Variants in VWA7 observed in about 807,000 individuals in gnomAD.
VWA7 encodes von Willebrand factor A domain-containing protein 7.
VWA7 carries 66 observed loss-of-function variants against 83.1 expected under a neutral mutation model. The ratio of observed to expected loss-of-function variants is 0.79; its 90% CI spans 0.65 to 0.98. The LOEUF is 0.98. Ranked by LOEUF, VWA7 falls within the 50% of genes least tolerant of loss-of-function variation. The pLI, the probability that VWA7 is intolerant of heterozygous loss-of-function variation, is 0.00. For missense variants in VWA7, 1,080 were observed against 1,160.2 expected (o/e 0.93, Z 1.00); for synonymous variants, 424 against 488.5 (o/e 0.87, Z 1.74).
chr6:31,768,971 C>G (rs1053804527), intron 10 of VWA7, 47 bp downstream of exon 10: 4 of 1,554,292 alleles, frequency 2.6e-6, no homozygotes, highest in East Asian at 2.3e-5. Flanking sequence ...AGAGGTGCAG[C>G]CTGACCACCC....
chr6:31,767,551 GCTCTCCTT>G, intron 11 of VWA7, 37 bp from the exon 12 acceptor site: 2 of 1,600,176 alleles, frequency 1.2e-6, no homozygotes, highest in Non-Finnish European at 1.7e-6. Context: ...TGAAGCACTT[GCTCTCCTT>G]GAGTACATCC....
At chr6:31,772,286 T>C (rs558827701) in intron 7 of VWA7, among the ~76,000 whole-genome samples, 1 of 152,008 alleles carries the variant, frequency 6.6e-6, no homozygotes, top group South Asian at 2.1e-4. Flanking sequence ...GCTGGGACTA[T>C]AGGCATGTGC....
At chr6:31,771,945 C>T (rs1812214665) in intron 7 of VWA7, 2 of 136,452 alleles carry the variant, frequency 1.5e-5, no homozygotes, top group Non-Finnish European at 3.0e-5. Flanking sequence ...GAGCCGAGAT[C>T]GCGCCATGGC....
At position 31,766,839 on chromosome 6, in the gene VWA7, A is replaced by C; in HGVS notation, c.1883-75T>G. 1 of 1,495,944 alleles carries C rather than the reference A, an allele frequency of 6.7e-7. No homozygotes were observed. The highest frequency in any genetic ancestry group is 9.0e-7 in the Non-Finnish European group (1 of 1,110,072). The allele number at this position is 1,495,944 out of a possible 1,614,324, so 92.7% of individuals were successfully genotyped here. A position where few individuals can be genotyped will look rare whatever the true frequency, so the allele number is the denominator to read the frequency against. On this transcript the variant is annotated intron_variant, in intron 13 of 16. Coordinates refer to ENST00000375688, the MANE Select transcript of VWA7 (RefSeq NM_025258.3). This position sits in a 1 kb window ranked among gnomAD's most constrained non-coding sequence, Gnocchi z 4.9. ...GGAGAAAAGAATTAATGGCCTTCAAAATAGGGGTTCCCTCTGGGGAGTATG... is the reference window on the plus strand; with the variant it reads ...GGAGAAAAGAATTAATGGCCTTCAACATAGGGGTTCCCTCTGGGGAGTATG...
chr6:31,766,385 C>CT lies in VWA7; in HGVS notation c.2185-2dup, dbSNP rs1207208641. 1.3e-6 allele frequency: 2 copies of CT among 1,595,746 alleles called. No homozygotes were observed. Among genetic ancestry groups the CT allele is most frequent in the Non-Finnish European group, 1.7e-6 (2 of 1,171,944 alleles). ...CCAAGAAACCCGAGGGGCCACTAAG[C>CT]TGCAGAGAAGGGTTCTTCAGGGAAG... On this transcript the variant is annotated splice_acceptor_variant, in intron 14 of 16. Coordinates refer to ENST00000375688, the MANE Select transcript of VWA7 (RefSeq NM_025258.3). LOFTEE classifies it high-confidence loss of function. This position sits in a 1 kb window ranked among gnomAD's most constrained non-coding sequence, Gnocchi z 4.9.
At position 31,769,709 on chromosome 6, in the gene VWA7, T is replaced by C; in HGVS notation, c.1283A>G (p.Gln428Arg). The C allele has an allele frequency of 6.2e-7, 1 of 1,612,992 alleles. No homozygotes were observed. Among genetic ancestry groups the C allele is most frequent in the African/African-American group, 1.3e-5 (1 of 75,046 alleles). Residue 428 changes from glutamine to arginine, a missense_variant, in exon 9 of 17, where the codon CAG becomes CGG. Physicochemically the swap from Gln to Arg is conservative, Grantham distance 43 (BLOSUM62 1). Transcript: ENST00000375688. The surrounding 1 kb of genome is among the most constrained non-coding windows in gnomAD (Gnocchi z 4.5). ...ASPKDAFLTN[Q>R]VESLTQERRC... ...CCGCTCCTGAGTCAGGGATTCCACC[T>C]GGTTGGTGAGAAAGGCATCCTTGGG...
Position 31,766,627 on chromosome 6 carries a change from G to A in VWA7, c.2020C>T (p.Pro674Ser), listed in dbSNP as rs1252828482. 2.5e-6 allele frequency: 4 copies of A among 1,612,938 alleles called. No individual in the cohort carries two copies. In the Admixed American group the frequency reaches 6.7e-5, roughly 27 times the overall value. The change falls in exon 14 of 17, where the codon CCC becomes TCC. Residue 674 changes from proline to serine, a missense_variant. Pro to Ser is a moderately conservative substitution (Grantham distance 74, BLOSUM62 -1). Transcript: ENST00000375688. This position sits in a 1 kb window ranked among gnomAD's most constrained non-coding sequence, Gnocchi z 4.9. ...GAELGQVPLEPVGPPERGLLA... is the reference protein window; with the variant it reads ...GAELGQVPLESVGPPERGLLA... ...AGACCTCGCTCCGGAGGTCCCACGG[G>A]CTCCAAGGGCACCTGGCCTAGTTCG...
rs1419514791 is a variant in VWA7, at chr6:31,765,896, G to A, written c.2486C>T (p.Ala829Val). ...THAFLRLLVS[A>V]PAPQDRHTTP... The stretch of plus-strand genomic sequence containing the variant: ...GTGGTTCCTCACCTGCGGGGCTGGG[G>A]CCGATACCAGGAGCCGGAGGAAAGC... The change falls in exon 16 of 17, where the codon GCC (alanine) becomes GTC (valine). Residue 829 changes from alanine to valine, a missense_variant. Coordinates refer to ENST00000375688, the MANE Select transcript of VWA7 (RefSeq NM_025258.3). 1.2e-6 allele frequency: 2 copies of A among 1,613,114 alleles called. No homozygotes were observed. The highest frequency in any genetic ancestry group is 1.1e-5 in the South Asian group (1 of 91,090).
Position 31,775,820 on chromosome 6 carries a change from C to T in VWA7, c.513+144G>A. On this transcript the variant is annotated intron_variant, in intron 3 of 16. Transcript: ENST00000375688. This position sits in a 1 kb window ranked among gnomAD's most constrained non-coding sequence, Gnocchi z 5.9. Reference sequence around the variant, plus strand: ...CCAGCTTGGAGGTGGGGAACTGGGACACAGCCTCGGGGCACCGCGTGCCAG... The same window carrying T: ...CCAGCTTGGAGGTGGGGAACTGGGATACAGCCTCGGGGCACCGCGTGCCAG... 7.3e-7 allele frequency: 1 copy of T among 1,368,906 alleles called. No homozygotes were observed. Among genetic ancestry groups the T allele is most frequent in the South Asian group, 1.4e-5 (1 of 71,338 alleles). The allele number at this position is 1,368,906 out of a possible 1,614,324, so 84.8% of individuals were successfully genotyped here.
In VWA7 at chr6:31,766,290, C is replaced by G. The variant is rs1404784498; in HGVS notation, c.2279G>C (p.Arg760Thr). The change falls in exon 15 of 17, where the codon AGG (arginine) becomes ACG (threonine). Residue 760 changes from arginine to threonine, a missense_variant. Coordinates refer to ENST00000375688, the MANE Select transcript of VWA7 (RefSeq NM_025258.3). The surrounding 1 kb of genome is among the most constrained non-coding windows in gnomAD (Gnocchi z 4.9). ...GGAGAAGCTGGGGTTGACGAAAGTC[C>G]TAAGGTCAAGATCCTGAGGGCCCGA... is the stretch of plus-strand genomic sequence containing the variant. Reference protein sequence around the residue: ...SFSGPQDLDLRTFVNPSFSLT... With the variant: ...SFSGPQDLDLTTFVNPSFSLT... The G allele has an allele frequency of 6.2e-7, 1 of 1,612,570 alleles. No homozygotes were observed. Among genetic ancestry groups the G allele is most frequent in the Non-Finnish European group, 8.5e-7 (1 of 1,179,928 alleles).
chr6:31,770,046 G>A lies in VWA7; in HGVS notation c.1155C>T (p.Ala385=), dbSNP rs538985817. The change falls in exon 8 of 17, where the codon GCC becomes GCT. Residue 385 remains alanine, a synonymous_variant. Transcript: ENST00000375688. ...SFWQQLNEIH[A]LGGGDEPEMC... ...TCTCAGGCTCGTCTCCACCCCCCAA[G>A]GCATGGATCTCATTAAGCTGTTGCC... The A allele has an allele frequency of 3.1e-6, 5 of 1,612,986 alleles. No homozygotes were observed. In the East Asian group the frequency reaches 6.7e-5, roughly 22 times the overall value.
intron 11 of VWA7, 22 bp from the exon 12 acceptor site, chr6:31,767,536 T>C (rs949870632): frequency 3.7e-6 from 6 of 1,601,714 alleles, no homozygotes; most frequent in Non-Finnish European, 5.1e-6. Context: ...GAAGAGATTG[T>C]CACATGAAGC....
In VWA7 at chr6:31,766,558, G is replaced by T; in HGVS notation, c.2089C>A (p.Pro697Thr). 6.2e-7 allele frequency: 1 copy of T among 1,612,878 alleles called. No homozygotes were observed. Among genetic ancestry groups the T allele is most frequent in the Non-Finnish European group, 8.5e-7 (1 of 1,180,012 alleles). Residue 697 changes from proline (P) to threonine (T), a missense_variant, in exon 14 of 17, where the codon CCC becomes ACC. Pro to Thr is a conservative substitution (Grantham distance 38, BLOSUM62 -1). Coordinates refer to ENST00000375688, the MANE Select transcript of VWA7 (RefSeq NM_025258.3). This position sits in a 1 kb window ranked among gnomAD's most constrained non-coding sequence, Gnocchi z 4.9. ...LSPTLLSTPR[P>T]FSLELIGQDA... The stretch of plus-strand genomic sequence containing the variant: ...TGGCCAATCAGCTCCAGGGAGAAGG[G>T]TCTAGGGGTGGACAGCAGCGTGGGC...
In VWA7 at chr6:31,769,739, G is replaced by A; in HGVS notation, c.1253C>T (p.Ala418Val). 1.2e-6 allele frequency: 2 copies of A among 1,613,100 alleles called. No individual in the cohort carries two copies. The highest frequency in any genetic ancestry group is 1.7e-6 in the Non-Finnish European group (2 of 1,180,042). Residue 418 changes from alanine to valine, a missense_variant, in exon 9 of 17, where the codon GCC becomes GTC. Transcript: ENST00000375688. The surrounding 1 kb of genome is among the most constrained non-coding windows in gnomAD (Gnocchi z 4.5). Reference protein sequence around the residue: ...PLSDIFVFTDASPKDAFLTNQ... With the variant: ...PLSDIFVFTDVSPKDAFLTNQ... Reference sequence around the variant, plus strand: ...GGTGAGAAAGGCATCCTTGGGGGAGGCATCCGTGAAGACAAAGATATCTGA... The same window carrying A: ...GGTGAGAAAGGCATCCTTGGGGGAGACATCCGTGAAGACAAAGATATCTGA...
chr6:31,768,636 C>G (rs996099255), intron 10 of VWA7, among the ~76,000 whole-genome samples: 1 of 151,980 alleles, frequency 6.6e-6, no homozygotes, highest in Non-Finnish European at 1.5e-5. Flanking sequence ...GTCAGGAGTA[C>G]GAAACCAGCC....
At chr6:31,765,819 A>G (rs1453969352) in intron 16 of VWA7, 49 bp from the exon 17 acceptor site, 3 of 1,598,006 alleles carry the variant, frequency 1.9e-6, no homozygotes, top group East Asian at 4.5e-5. Context: ...GCTGTACTCA[A>G]ATTAAACCTA....
At position 31,775,900 on chromosome 6, in the gene VWA7, G is replaced by A. The variant is rs1407700082; in HGVS notation, c.513+64C>T. On this transcript the variant is annotated intron_variant, in intron 3 of 16. Transcript: ENST00000375688. This position sits in a 1 kb window ranked among gnomAD's most constrained non-coding sequence, Gnocchi z 5.9. ...TGATCAAGAAGGCACCATAGGACGC[G>A]CTCCATCCCGGACAGGCACGGAAGT... 4 of 1,541,250 alleles carry A rather than the reference G, an allele frequency of 2.6e-6. No individual in the cohort carries two copies. The highest frequency in any genetic ancestry group is 1.4e-5 in the African/African-American group (1 of 72,902).
chr6:31,774,338 C>T (rs1217232568), intron 5 of VWA7, among the ~76,000 whole-genome samples, 178 bp downstream of exon 5: 3 of 151,924 alleles, frequency 2.0e-5, no homozygotes, highest in Non-Finnish European at 4.4e-5. Context: ...AGAAGTTGCT[C>T]CCCTACCTCA....
intron 7 of VWA7, chr6:31,771,144 C>A (rs1812146692): frequency 6.6e-6 from 1 of 151,796 alleles, no homozygotes; most frequent in Non-Finnish European, 1.5e-5. Context: ...TAAGATAGTG[C>A]TTTGACACAT....
Sources: allele counts gnomAD v4.1 joint callset (sites outside exome capture counted in the v4.1 genomes callset), GRCh38; gene constraint gnomAD v4.1.1; non-coding constraint Gnocchi (gnomAD v3.1); transcripts MANE v1.5; gene names NCBI Gene and HGNC (gene_info 2026-07-23, HGNC 2026-07-21).